Variants in STRBP observed in about 807,000 individuals in gnomAD.
STRBP encodes the protein spermatid perinuclear RNA-binding protein.
In STRBP, 13 loss-of-function variants were observed where a neutral mutation model predicts 80.1. The observed-to-expected ratio is 0.16, with a 90% CI of 0.11 to 0.26. The LOEUF is 0.26. Ranked by LOEUF, STRBP falls within the 10% of genes least tolerant of loss-of-function variation. The pLI is 1.00. For synonymous variants in STRBP, 284 were observed against 291.2 expected, an observed-to-expected ratio of 0.98 and a Z score of 0.25; for missense variants, 485 against 815.2, an observed-to-expected ratio of 0.59 and a Z score of 4.93.
In STRBP at chr9:123,160,966, A is replaced by G. The variant is rs1448971059; in HGVS notation, c.627+11T>C. 1 of 1,577,032 alleles carries G rather than the reference A, an allele frequency of 6.3e-7. No homozygotes were observed. The highest frequency in any genetic ancestry group is 2.3e-5 in the East Asian group (1 of 43,780). ...ACTTTAATAACAATAAGATAGTAAGAAAAAGCCAACCTGAAACCATTTGGC... is the reference window on the plus strand; with the variant it reads ...ACTTTAATAACAATAAGATAGTAAGGAAAAGCCAACCTGAAACCATTTGGC... On this transcript the variant is annotated intron_variant, in intron 7 of 18. Coordinates refer to ENST00000348403, the MANE Select transcript of STRBP (RefSeq NM_018387.5).
chr9:123,124,210 A>G lies in STRBP; in HGVS notation c.*1387T>C. 1 of 985,446 alleles carries G rather than the reference A, an allele frequency of 1.0e-6. No individual in the cohort carries two copies. Among genetic ancestry groups the G allele is most frequent in the Non-Finnish European group, 1.2e-6 (1 of 829,940 alleles). 61.0% of individuals were successfully genotyped at this position (985,446 alleles called of 1,614,324 possible). A position where few individuals can be genotyped will look rare whatever the true frequency, so the allele number is the denominator to read the frequency against. On this transcript the variant is annotated 3_prime_UTR_variant, in exon 19 of 19. Coordinates refer to ENST00000348403, the MANE Select transcript of STRBP (RefSeq NM_018387.5). ...GTCAAGTTCCCAAAAGCAGAACTGA[A>G]TAGGGAAAATGAAAGCTAATTCATA... is the stretch of plus-strand genomic sequence containing the variant.
intron 1 of STRBP, among the ~76,000 whole-genome samples, chr9:123,253,886 A>G (rs1031967179): frequency 6.6e-6 from 1 of 152,206 alleles, no homozygotes; most frequent in Admixed American, 6.5e-5. Context: ...AATTGCTTAA[A>G]AACTTTTCAA....
chr9:123,256,546 G>A (rs940300167), intron 1 of STRBP, among the ~76,000 whole-genome samples: 9 of 152,056 alleles, frequency 5.9e-5, no homozygotes, highest in South Asian at 4.1e-4. Context: ...AAACCAAAAC[G>A]CTTGTAATAT....
chr9:123,177,271 A>G (rs2038261510), intron 4 of STRBP, among the ~76,000 whole-genome samples: 1 of 152,186 alleles, frequency 6.6e-6, no homozygotes, highest in Admixed American at 6.6e-5. Context: ...CCACACACAG[A>G]AGTATAAAAT....
intron 6 of STRBP, among the ~76,000 whole-genome samples, chr9:123,169,293 C>T (rs1370105242): frequency 6.6e-6 from 1 of 151,824 alleles, no homozygotes; most frequent in Non-Finnish European, 1.5e-5. Flanking sequence ...CTCAGCCTCC[C>T]GAGTAGCTGG....
chr9:123,211,569 A>C (rs2039710213), intron 2 of STRBP, among the ~76,000 whole-genome samples: 1 of 152,186 alleles, frequency 6.6e-6, no homozygotes, highest in Non-Finnish European at 1.5e-5. Flanking sequence ...ACTATGACTA[A>C]TCCATTATCT....
chr9:123,259,075 A>AGG (rs1379471598), intron 1 of STRBP, among the ~76,000 whole-genome samples: 1 of 141,894 alleles, frequency 7.0e-6, no homozygotes, highest in Admixed American at 7.4e-5. Context: ...AAAAAAAAAA[A>AGG]GGGGGGGGGA....
chr9:123,263,962 A>G (rs994793510), intron 1 of STRBP, among the ~76,000 whole-genome samples: 3 of 152,312 alleles, frequency 2.0e-5, no homozygotes, highest in African/African-American at 7.2e-5. Flanking sequence ...GGTGGATCAC[A>G]AGGTCAAGAG....
At chr9:123,223,299 T>C (rs1226950312) in intron 2 of STRBP, among the ~76,000 whole-genome samples, 1 of 152,176 alleles carries the variant, frequency 6.6e-6, no homozygotes, top group Non-Finnish European at 1.5e-5. Context: ...CATAACATTA[T>C]AAATATTTCA....
chr9:123,139,817 G>T, intron 13 of STRBP, 130 bp from the exon 14 acceptor site: 5 of 876,576 alleles, frequency 5.7e-6, no homozygotes, highest in Non-Finnish European at 8.7e-6. Flanking sequence ...AGAGCAAGAT[G>T]GTACTAAATC....
rs766208364 is a variant in STRBP at position 123,173,881 on chromosome 9, T to C, written c.225-39A>G. ...TCTGCATGATTACTTTCACAACCTA[T>C]TTCCCAAACTATAACTTAATCATCA... On this transcript the variant is annotated intron_variant, in intron 4 of 18. Transcript: ENST00000348403. 384 of 1,559,664 alleles carry C rather than the reference T, an allele frequency of 2.5e-4. 1 individual carries two copies. Among genetic ancestry groups the C allele is most frequent in the Non-Finnish European group, 4.3e-6 (5 of 1,156,894 alleles).
At chr9:123,112,904 G>A (rs1035162508) in intron 3 of STRBP, 11 of 167,198 alleles carry the variant, frequency 6.6e-5, no homozygotes, top group East Asian at 5.8e-4. Context: ...CATATTCTGA[G>A]GCCCCAAGCC....
chr9:123,170,057 C>T lies in STRBP; in HGVS notation c.391-11G>A, dbSNP rs376120005. On this transcript the variant is annotated splice_polypyrimidine_tract_variant and intron_variant, in intron 5 of 18. Transcript: ENST00000348403. ...CTCTTCTGTGAGTTTCTGAAAGTCA[C>T]CAAGATTTCAAAATCACCCAGTTAA... 9 of 1,591,978 alleles carry T rather than the reference C, an allele frequency of 5.7e-6. No individual in the cohort carries two copies. The African/African-American group carries it at 1.1e-4, about 19-fold the overall frequency.
chr9:123,236,657 T>TAA (rs780963051), intron 2 of STRBP, among the ~76,000 whole-genome samples, 173 bp downstream of exon 2: 18 of 130,760 alleles, frequency 1.4e-4, no homozygotes, highest in Admixed American at 1.5e-4. Context: ...TAGGATTTTC[T>TAA]AAAAAAAAAA....
intron 1 of STRBP, among the ~76,000 whole-genome samples, chr9:123,266,624 T>C (rs552569170): frequency 2.6e-5 from 4 of 152,126 alleles, no homozygotes; most frequent in African/African-American, 9.6e-5. Flanking sequence ...GGATCTTCCA[T>C]ACTCTCTTAA....
Position 123,147,872 on chromosome 9 carries a change from T to TA in STRBP, c.1046-3dup, listed in dbSNP as rs768022953. 5.6e-6 allele frequency: 9 copies of TA among 1,605,962 alleles called. No individual in the cohort carries two copies. The highest frequency in any genetic ancestry group is 2.2e-5 in the South Asian group (2 of 89,874). On this transcript the variant is annotated splice_polypyrimidine_tract_variant and splice_region_variant and intron_variant, in intron 11 of 18. Coordinates refer to ENST00000348403, the MANE Select transcript of STRBP (RefSeq NM_018387.5). The stretch of plus-strand genomic sequence containing the variant: ...TCTTTAGAGCTGAAGACCCAGCACC[T>TA]AAAAAAAATTATGAGGGATTCATTA...
chr9:123,235,584 C>CAAAAAAAAAA (rs71390421), intron 2 of STRBP, among the ~76,000 whole-genome samples: 4 of 36,496 alleles, frequency 1.1e-4, no homozygotes, highest in Non-Finnish European at 2.4e-4. Flanking sequence ...ACAAGTTCAG[C>CAAAAAAAAAA]AAAAAAAAAA....
intron 4 of STRBP, among the ~76,000 whole-genome samples, chr9:123,177,960 ACATTT>A (rs2038292359): frequency 6.6e-6 from 1 of 152,178 alleles, no homozygotes; most frequent in South Asian, 2.1e-4. Context: ...TCTAACAGTA[ACATTT>A]GTACAGACAT....
chr9:123,200,762 T>TTTA (rs1554762956), intron 2 of STRBP, among the ~76,000 whole-genome samples: 5 of 133,554 alleles, frequency 3.7e-5, no homozygotes, highest in African/African-American at 1.5e-4. Flanking sequence ...TTTTTTTTTT[T>TTTA]AGTAGAGACC....
Sources: allele counts gnomAD v4.1 joint callset (sites outside exome capture counted in the v4.1 genomes callset), GRCh38; gene constraint gnomAD v4.1.1; transcripts MANE v1.5; gene names NCBI Gene and HGNC (gene_info 2026-07-23, HGNC 2026-07-21).